Variants in NEDD4L observed in about 807,000 individuals in gnomAD.
The protein encoded by NEDD4L is E3 ubiquitin-protein ligase NEDD4-like.
In NEDD4L, 54 loss-of-function variants were observed where a neutral mutation model predicts 148.9. The ratio of observed to expected loss-of-function variants is 0.36; its 90% CI spans 0.29 to 0.45. The LOEUF (loss-of-function observed/expected upper bound fraction) is 0.45. NEDD4L is among the 20% of genes least tolerant of loss of function. The pLI is 1.00. For missense variants in NEDD4L, 856 were observed against 1,233.8 expected (o/e 0.69, Z 4.59); for synonymous variants, 433 against 440.7 (o/e 0.98, Z 0.22).
intron 1 of NEDD4L, among the ~76,000 whole-genome samples, chr18:58,070,617 G>A (rs2082817207): frequency 6.6e-6 from 1 of 152,008 alleles, no homozygotes; most frequent in Admixed American, 6.6e-5. Context: ...CGATCTTGAG[G>A]CTTTATGCAA....
At chr18:58,108,570 G>T (rs1406538538) in intron 1 of NEDD4L, among the ~76,000 whole-genome samples, 1 of 152,092 alleles carries the variant, frequency 6.6e-6, no homozygotes, top group African/African-American at 2.4e-5. Flanking sequence ...TTAGGCATCC[G>T]CCACCACGCC....
intron 24 of NEDD4L, among the ~76,000 whole-genome samples, chr18:58,377,334 A>G (rs1253122592): frequency 6.6e-6 from 1 of 152,230 alleles, no homozygotes; most frequent in African/African-American, 2.4e-5. Flanking sequence ...GGGCAAAGCA[A>G]GTGCAGTTGT....
chr18:58,237,877 G>C (rs967985849), intron 2 of NEDD4L, among the ~76,000 whole-genome samples: 1 of 152,200 alleles, frequency 6.6e-6, no homozygotes, highest in Non-Finnish European at 1.5e-5. Context: ...GGATGGCAAG[G>C]GGGGCTGCAA....
chr18:58,391,237 C>T (rs141943998), intron 29 of NEDD4L, among the ~76,000 whole-genome samples: 255 of 152,278 alleles, frequency 1.7e-3, no homozygotes, highest in African/African-American at 5.8e-3. Context: ...CCTGCCTTTC[C>T]ACGTAACTGT....
rs1427475246 is a variant in NEDD4L at position 58,245,056 on chromosome 18, T to C, written c.123-371T>C. Reference sequence around the variant, plus strand: ...TGGGTCACATGAACAATGGCTCTTTTACCTCCACTAATTACCTAGACGCTA... The same window carrying C: ...TGGGTCACATGAACAATGGCTCTTTCACCTCCACTAATTACCTAGACGCTA... On this transcript the variant is annotated intron_variant, in intron 2 of 30. Coordinates refer to ENST00000400345, the MANE Select transcript of NEDD4L (RefSeq NM_001144967.3). 3.9e-5 allele frequency among the ~76,000 whole-genome samples: 6 copies of C among 152,336 alleles called. No individual in the cohort carries two copies. In the East Asian group the frequency reaches 7.7e-4, roughly 20 times the overall value.
chr18:58,115,200 G>GTTTTTCTTTTCTTTTCCATTCT lies in NEDD4L; in HGVS notation c.49-50573_49-50572insCCATTCTTTTTTCTTTTCTTTT, dbSNP rs1738408537. On this transcript the variant is annotated intron_variant, in intron 1 of 30. Transcript: ENST00000400345. Reference sequence around the variant, plus strand: ...ACTCCTATTGGTATTTGCCTGAGATGTTTTTCTTTTCTTTTTCATTCTTTT... The same window carrying GTTTTTCTTTTCTTTTCCATTCT: ...ACTCCTATTGGTATTTGCCTGAGATGTTTTTCTTTTCTTTTCCATTCTTTTTTCTTTTCTTTTTCATTCTTTT... Among the ~76,000 whole-genome samples, 4 of 146,468 alleles carry GTTTTTCTTTTCTTTTCCATTCT rather than the reference G, an allele frequency of 2.7e-5. No homozygotes were observed. In the South Asian group the frequency reaches 8.9e-4, roughly 33 times the overall value.
At chr18:58,128,577 A>G (rs1366516861) in intron 1 of NEDD4L, among the ~76,000 whole-genome samples, 1 of 152,160 alleles carries the variant, frequency 6.6e-6, no homozygotes, top group Non-Finnish European at 1.5e-5. Context: ...CTTCCATTGG[A>G]TACCCTTGTT....
At chr18:58,093,579 G>A (rs556128983) in intron 1 of NEDD4L, among the ~76,000 whole-genome samples, 3 of 152,106 alleles carry the variant, frequency 2.0e-5, no homozygotes, top group Non-Finnish European at 4.4e-5. Flanking sequence ...ACTACTGTGC[G>A]CATATTCATG....
intron 1 of NEDD4L, among the ~76,000 whole-genome samples, chr18:58,145,630 GT>G (rs56118910): frequency 0.24 from 36,455 of 149,240 alleles, 4,388 homozygotes; most frequent in South Asian, 0.28. Context: ...AAGGAATTGG[GT>G]TTTTTTTTTT....
At chr18:58,377,029 C>T (rs749003816) in intron 24 of NEDD4L, among the ~76,000 whole-genome samples, 3 of 152,162 alleles carry the variant, frequency 2.0e-5, no homozygotes, top group Admixed American at 6.5e-5. Context: ...GTACCACAGA[C>T]GACTTTGCAT....
At chr18:58,361,961 A>G (rs2045546197) in intron 19 of NEDD4L, among the ~76,000 whole-genome samples, 1 of 152,166 alleles carries the variant, frequency 6.6e-6, no homozygotes, top group Non-Finnish European at 1.5e-5. Context: ...CGTTGTTGGA[A>G]AGTTTTCAGG....
rs115431247 is a variant in NEDD4L, at chr18:58,169,704, C to T, written c.122+3843C>T. Among the ~76,000 whole-genome samples the T allele has an allele frequency of 6.2e-3, 939 of 152,314 alleles. 13 individuals are homozygous for T. Among genetic ancestry groups the T allele is most frequent in the African/African-American group, 0.021 (886 of 41,564 alleles). ...AGCTCACCCTTGTGTGCCTGTGTCC[C>T]GTTTCTGCTGTCCCCTTTCCCAAGG... On this transcript the variant is annotated intron_variant, in intron 2 of 30. Coordinates refer to ENST00000400345, the MANE Select transcript of NEDD4L (RefSeq NM_001144967.3).
intron 5 of NEDD4L, among the ~76,000 whole-genome samples, chr18:58,275,201 G>GAA (rs1263506076): frequency 6.8e-6 from 1 of 146,046 alleles, no homozygotes; most frequent in African/African-American, 2.5e-5. Context: ...TTAAACTAGA[G>GAA]AAAACGTTAA....
chr18:58,089,608 C>T (rs942117952), intron 1 of NEDD4L, among the ~76,000 whole-genome samples: 3 of 151,810 alleles, frequency 2.0e-5, no homozygotes, highest in Non-Finnish European at 4.4e-5. Flanking sequence ...GTTTTAAATG[C>T]ATCTCAGAAA....
rs534128413 is a variant in NEDD4L at position 58,106,781 on chromosome 18, A to G, written c.49-59007A>G. On this transcript the variant is annotated intron_variant, in intron 1 of 30. Transcript: ENST00000400345. ...TGCAGAAAGGGCAATTGTCATACCT[A>G]TTTTGCATGAGAGACTCAACCACTC... Among the ~76,000 whole-genome samples the G allele has an allele frequency of 7.2e-5, 11 of 152,262 alleles. No homozygotes were observed. In the South Asian group the frequency reaches 1.9e-3, roughly 26 times the overall value.
intron 5 of NEDD4L, among the ~76,000 whole-genome samples, chr18:58,302,051 C>G (rs1301835511): frequency 6.6e-6 from 1 of 152,208 alleles, no homozygotes; most frequent in Non-Finnish European, 1.5e-5. Context: ...GTTAGTGCTG[C>G]TTGGTATCCC....
chr18:58,378,222 G>T (rs1159396296), intron 24 of NEDD4L, among the ~76,000 whole-genome samples: 3 of 152,208 alleles, frequency 2.0e-5, no homozygotes, highest in Admixed American at 6.5e-5. Context: ...GAAGTGGTTA[G>T]TGGCCCTCCC....
At chr18:58,344,574 C>A (rs1294230902) in intron 16 of NEDD4L, among the ~76,000 whole-genome samples, 1 of 152,192 alleles carries the variant, frequency 6.6e-6, no homozygotes, top group African/African-American at 2.4e-5. Flanking sequence ...TGGTAACATT[C>A]ATTTGGTAAA....
At position 58,195,494 on chromosome 18, in the gene NEDD4L, G is replaced by A. The variant is rs376310435; in HGVS notation, c.122+29633G>A. On this transcript the variant is annotated intron_variant, in intron 2 of 30. Coordinates refer to ENST00000400345, the MANE Select transcript of NEDD4L (RefSeq NM_001144967.3). ...AGGCTTAAGCCGCGCGAGGGTGCCC[G>A]GGTGGGTGGCTGCGCAGGGCCCTAC... 1.1e-4 allele frequency: 151 copies of A among 1,344,606 alleles called. No individual in the cohort carries two copies. The Admixed American group carries it at 1.9e-3, about 17-fold the overall frequency. The allele number at this position is 1,344,606 out of a possible 1,614,324, so 83.3% of individuals were successfully genotyped here.
Sources: allele counts gnomAD v4.1 joint callset (sites outside exome capture counted in the v4.1 genomes callset), GRCh38; gene constraint gnomAD v4.1.1; transcripts MANE v1.5; gene names NCBI Gene and HGNC (gene_info 2026-07-23, HGNC 2026-07-21).